TNFRSF8: variants seen among roughly 807,000 people sequenced by gnomAD.
The protein encoded by TNFRSF8 is TNF receptor superfamily member 8, also known as tumor necrosis factor receptor superfamily member 8.
Under a neutral mutation model 70.8 loss-of-function variants are expected in TNFRSF8, and 26 were observed. The observed-to-expected ratio is 0.37, with a 90% CI of 0.27 to 0.51. The LOEUF (loss-of-function observed/expected upper bound fraction) is 0.51, where lower values mean the gene tolerates loss of function less well. TNFRSF8 is among the 20% of genes least tolerant of loss of function. The probability of loss-of-function intolerance (pLI) is 0.94; values close to 1 mark genes in which losing one functional copy is unlikely to be tolerated. For missense variants in TNFRSF8, 720 were observed against 807.9 expected (o/e 0.89, Z 1.32); for synonymous variants, 356 against 339.2 (o/e 1.05, Z -0.54).
intron 2 of TNFRSF8, among the ~76,000 whole-genome samples, chr1:12,090,755 A>T (rs1321792628): frequency 6.6e-6 from 1 of 152,182 alleles, no homozygotes; most frequent in Non-Finnish European, 1.5e-5. Context: ...ATATTATACC[A>T]ATTTGAGACT....
intron 8 of TNFRSF8, among the ~76,000 whole-genome samples, chr1:12,120,022 C>G (rs1641802269): frequency 6.6e-6 from 1 of 152,196 alleles, no homozygotes; most frequent in Admixed American, 6.5e-5. Flanking sequence ...CACCCACCCA[C>G]CTCCTTCTTA....
rs1241033755 is a variant in TNFRSF8 at position 12,108,219 on chromosome 1, C to T, written c.422-1347C>T. Among the ~76,000 whole-genome samples, 3 of 151,920 alleles carry T rather than the reference C, an allele frequency of 2.0e-5. No homozygotes were observed. The highest frequency in any genetic ancestry group is 4.4e-5 in the Non-Finnish European group (3 of 67,994). ...TCAGCCTCCTGAGTAGCTGGGATTA[C>T]AGGTACCTGCCACCATGCCCGGCTA... On this transcript the variant is annotated intron_variant, in intron 4 of 14. Coordinates refer to ENST00000263932, the MANE Select transcript of TNFRSF8 (RefSeq NM_001243.5). This position sits in a 1 kb window ranked among gnomAD's most constrained non-coding sequence, Gnocchi z 4.0.
At chr1:12,115,522 C>T (rs1231554257) in intron 7 of TNFRSF8, 55 bp from the exon 8 acceptor site, 58 of 1,598,646 alleles carry the variant, frequency 3.6e-5, no homozygotes, top group Non-Finnish European at 4.7e-5. Context: ...GCTCTCTGGA[C>T]CCCCTGCCCT....
chr1:12,109,753 G>A lies in TNFRSF8; in HGVS notation c.512+97G>A. 2 of 1,084,206 alleles carry A rather than the reference G, an allele frequency of 1.8e-6. No homozygotes were observed. Among genetic ancestry groups the A allele is most frequent in the Admixed American group, 2.1e-5 (1 of 48,602 alleles). The allele number at this position is 1,084,206 out of a possible 1,614,324, so 67.2% of individuals were successfully genotyped here. A position where few individuals can be genotyped will look rare whatever the true frequency, so the allele number is the denominator to read the frequency against. On this transcript the variant is annotated intron_variant, in intron 5 of 14. Coordinates refer to ENST00000263932, the MANE Select transcript of TNFRSF8 (RefSeq NM_001243.5). The surrounding 1 kb of genome is among the most constrained non-coding windows in gnomAD (Gnocchi z 4.4). ...ACGCCCATGGTACAACTGGGCTGGG[G>A]GTGTAAGCGGGATTCAGCCCATGGT...
chr1:12,111,291 C>T (rs1641625161), intron 6 of TNFRSF8, among the ~76,000 whole-genome samples: 1 of 152,058 alleles, frequency 6.6e-6, no homozygotes, highest in Admixed American at 6.6e-5. Flanking sequence ...AAGCAATTCT[C>T]CTGCCTCAGC....
At position 12,141,970 on chromosome 1, in the gene TNFRSF8, C is replaced by T. The variant is rs370279055; in HGVS notation, c.1544-317C>T. Among the ~76,000 whole-genome samples, 4 of 152,178 alleles carry T rather than the reference C, an allele frequency of 2.6e-5. No individual in the cohort carries two copies. Among genetic ancestry groups the T allele is most frequent in the African/African-American group, 4.8e-5 (2 of 41,452 alleles). Reference sequence around the variant, plus strand: ...TTTCTGCTCGTGCTCTGGTTACCCACGGCTTTGCCTGTTTTTGTCCACAGT... The same window carrying T: ...TTTCTGCTCGTGCTCTGGTTACCCATGGCTTTGCCTGTTTTTGTCCACAGT... On this transcript the variant is annotated intron_variant, in intron 14 of 14. Coordinates refer to ENST00000263932, the MANE Select transcript of TNFRSF8 (RefSeq NM_001243.5). This position sits in a 1 kb window ranked among gnomAD's most constrained non-coding sequence, Gnocchi z 5.4.
At chr1:12,133,514 G>C (rs1238919414) in intron 12 of TNFRSF8, among the ~76,000 whole-genome samples, 1 of 151,868 alleles carries the variant, frequency 6.6e-6, no homozygotes. Context: ...GGCCGAGGCG[G>C]GTGGATCACG....
At chr1:12,066,942 C>T (rs1038812541) in intron 1 of TNFRSF8, among the ~76,000 whole-genome samples, 8 of 152,146 alleles carry the variant, frequency 5.3e-5, no homozygotes, top group Non-Finnish European at 1.2e-4. Flanking sequence ...CGTGAGCCAC[C>T]GTGCCCATCC....
At chr1:12,090,364 A>T (rs1410075485) in intron 2 of TNFRSF8, among the ~76,000 whole-genome samples, 4 of 145,880 alleles carry the variant, frequency 2.7e-5, no homozygotes, top group African/African-American at 1.0e-4. Flanking sequence ...CTACCCATCC[A>T]CCCATCTACT....
Position 12,111,981 on chromosome 1 carries a change from G to A in TNFRSF8, c.760G>A (p.Gly254Ser), listed in dbSNP as rs753701381. The A allele has an allele frequency of 3.5e-5, 57 of 1,614,056 alleles. No homozygotes were observed. Among genetic ancestry groups the A allele is most frequent in the Middle Eastern group, 1.6e-4 (1 of 6,082 alleles). ...GCCCGACTACTACCTGGACGAGGCC[G>A]GCCGCTGCACGGCCTGCGTGAGCTG... Reference protein sequence around the residue: ...CEPDYYLDEAGRCTACVSCSR... With the variant: ...CEPDYYLDEASRCTACVSCSR... The change falls in exon 7 of 15, where the codon GGC (glycine) becomes AGC (serine). Residue 254 changes from glycine (G) to serine (S), a missense_variant. Gly to Ser is a moderately conservative substitution (Grantham distance 56). Transcript: ENST00000263932.
intron 8 of TNFRSF8, among the ~76,000 whole-genome samples, chr1:12,121,430 G>C (rs1005745575): frequency 1.3e-5 from 2 of 152,168 alleles, no homozygotes; most frequent in African/African-American, 4.8e-5. Context: ...CAGGGCTCTG[G>C]GGGTGGAGAG....
chr1:12,103,342 G>A (rs1641458030), intron 3 of TNFRSF8, among the ~76,000 whole-genome samples: 1 of 151,542 alleles, frequency 6.6e-6, no homozygotes, highest in South Asian at 2.1e-4. Flanking sequence ...GTGACAGAGT[G>A]AGACTCTGTC....
intron 2 of TNFRSF8, among the ~76,000 whole-genome samples, chr1:12,090,857 C>G (rs1275716142): frequency 6.6e-6 from 1 of 152,136 alleles, no homozygotes; most frequent in African/African-American, 2.4e-5. Context: ...TATCCCCCAA[C>G]CAATTCCTAT....
chr1:12,097,325 T>C (rs1238241771), intron 3 of TNFRSF8, 108 bp downstream of exon 3: 2 of 751,916 alleles, frequency 2.7e-6, no homozygotes, highest in Non-Finnish European at 4.5e-6. Context: ...TTGATGTCTG[T>C]TCTCTGAATT....
chr1:12,117,583 T>C (rs1310272486), intron 8 of TNFRSF8, among the ~76,000 whole-genome samples: 1 of 152,182 alleles, frequency 6.6e-6, no homozygotes, highest in East Asian at 1.9e-4. Flanking sequence ...CAGGGTTCCC[T>C]GGCCAACTTC....
At chr1:12,066,713 C>T (rs1280318469) in intron 1 of TNFRSF8, among the ~76,000 whole-genome samples, 3 of 151,544 alleles carry the variant, frequency 2.0e-5, no homozygotes, top group Admixed American at 6.6e-5. Context: ...AGTGCAGTGG[C>T]GCAATCTCAG....
At chr1:12,100,868 A>C (rs1180946851) in intron 3 of TNFRSF8, among the ~76,000 whole-genome samples, 1 of 150,824 alleles carries the variant, frequency 6.6e-6, no homozygotes, top group African/African-American at 2.4e-5. Context: ...GAGGCAGGAG[A>C]ATTGCTTGAA....
chr1:12,064,979 C>T (rs972791366), intron 1 of TNFRSF8, among the ~76,000 whole-genome samples: 49 of 151,862 alleles, frequency 3.2e-4, no homozygotes, highest in African/African-American at 9.9e-4. Context: ...TAGAGTGAAG[C>T]CCCCTCCACT....
chr1:12,084,089 C>A (rs1333443980), intron 1 of TNFRSF8, among the ~76,000 whole-genome samples: 1 of 152,092 alleles, frequency 6.6e-6, no homozygotes, highest in African/African-American at 2.4e-5. Flanking sequence ...TCAACAAATA[C>A]GTTTACCAGA....
Sources: allele counts gnomAD v4.1 joint callset (sites outside exome capture counted in the v4.1 genomes callset), GRCh38; gene constraint gnomAD v4.1.1; non-coding constraint Gnocchi (gnomAD v3.1); transcripts MANE v1.5; gene names NCBI Gene and HGNC (gene_info 2026-07-23, HGNC 2026-07-21).